Variants in GHR observed in about 807,000 individuals in gnomAD.
GHR encodes GH receptor.
In GHR, 35 loss-of-function variants were observed where a neutral mutation model predicts 67.1. That is an observed-to-expected ratio of 0.52 (90% CI 0.40 to 0.69). The LOEUF (loss-of-function observed/expected upper bound fraction) is 0.69, where lower values mean the gene tolerates loss of function less well. Among genes scored for constraint, GHR ranks in the 30% least tolerant of loss-of-function variants. The pLI is 0.00. For missense variants in GHR, 792 were observed against 764.6 expected, an observed-to-expected ratio of 1.04 and a Z score of -0.42; for synonymous variants, 272 against 269.1, an observed-to-expected ratio of 1.01 and a Z score of -0.10.
At chr5:42,563,533 G>T (rs1020612655) in intron 1 of GHR, among the ~76,000 whole-genome samples, 1 of 149,832 alleles carries the variant, frequency 6.7e-6, no homozygotes, top group Non-Finnish European at 1.5e-5. Flanking sequence ...CAGGAGAATG[G>T]CGTGAACCCG....
chr5:42,687,122 G>A (rs1469777164), intron 3 of GHR, among the ~76,000 whole-genome samples: 1 of 152,184 alleles, frequency 6.6e-6, no homozygotes, highest in East Asian at 1.9e-4. Context: ...TACAAAGGAT[G>A]TGAAGGACCT....
chr5:42,638,174 C>T (rs1474658535), intron 3 of GHR, among the ~76,000 whole-genome samples: 4 of 150,660 alleles, frequency 2.7e-5, no homozygotes, highest in African/African-American at 1.0e-4. Flanking sequence ...CTCCTGACCT[C>T]GTGATCTGCC....
chr5:42,699,551 C>T (rs1757832514), intron 5 of GHR, among the ~76,000 whole-genome samples: 1 of 152,126 alleles, frequency 6.6e-6, no homozygotes, highest in African/African-American at 2.4e-5. Flanking sequence ...AAGAAATATA[C>T]AACATGGCAG....
chr5:42,651,476 A>G (rs745607545), intron 3 of GHR, among the ~76,000 whole-genome samples: 38 of 152,206 alleles, frequency 2.5e-4, no homozygotes, highest in Admixed American at 2.6e-4. Context: ...GAATAGGCAT[A>G]TATGGGCCAA....
chr5:42,641,214 C>G (rs1464887228), intron 3 of GHR, among the ~76,000 whole-genome samples: 2 of 145,872 alleles, frequency 1.4e-5, no homozygotes, highest in Non-Finnish European at 3.0e-5. Flanking sequence ...AAAAAGGTGT[C>G]TTTTTCAAAG....
At chr5:42,634,225 A>G (rs1055181619) in intron 3 of GHR, among the ~76,000 whole-genome samples, 6 of 152,132 alleles carry the variant, frequency 3.9e-5, no homozygotes, top group Non-Finnish European at 8.8e-5. Context: ...AGTAGTTAGA[A>G]TAGTATCTGG....
At chr5:42,618,320 T>C (rs1753269473) in intron 2 of GHR, among the ~76,000 whole-genome samples, 1 of 152,140 alleles carries the variant, frequency 6.6e-6, no homozygotes, top group Non-Finnish European at 1.5e-5. Flanking sequence ...GATTCAAGTA[T>C]GTGAGGGGAG....
At chr5:42,487,794 C>T (rs1241864078) in intron 1 of GHR, among the ~76,000 whole-genome samples, 4 of 152,272 alleles carry the variant, frequency 2.6e-5, no homozygotes, top group Middle Eastern at 3.4e-3. Flanking sequence ...ATTTAAAATA[C>T]TAATAAAGGT....
chr5:42,550,321 G>A (rs1349244975), intron 1 of GHR, among the ~76,000 whole-genome samples: 2 of 152,056 alleles, frequency 1.3e-5, no homozygotes, highest in Non-Finnish European at 2.9e-5. Context: ...GCAACCTTTA[G>A]ACTAACACTG....
intron 2 of GHR, among the ~76,000 whole-genome samples, chr5:42,571,495 A>G (rs1750312172): frequency 6.6e-6 from 1 of 152,200 alleles, no homozygotes. Context: ...ACAATAAAAT[A>G]TATGCAGGAT....
At chr5:42,478,014 T>C (rs1425579703) in intron 1 of GHR, among the ~76,000 whole-genome samples, 1 of 152,014 alleles carries the variant, frequency 6.6e-6, no homozygotes, top group East Asian at 1.9e-4. Context: ...TTCATGGTTT[T>C]AGGTCTAACA....
Position 42,699,922 on chromosome 5 carries a change from A to C in GHR, c.538A>C (p.Asn180His). ...CCAAGTGAGATGGGAAGCACCACGCAATGCAGATATTCAGAAAGGATGGAT... is the reference window on the plus strand; with the variant it reads ...CCAAGTGAGATGGGAAGCACCACGCCATGCAGATATTCAGAAAGGATGGAT... ...DIQVRWEAPRNADIQKGWMVL... is the reference protein window; with the variant it reads ...DIQVRWEAPRHADIQKGWMVL... Residue 180 changes from asparagine to histidine, a missense_variant, in exon 6 of 10, where the codon AAT (asparagine) becomes CAT (histidine). Asn to His is a moderately conservative substitution (Grantham distance 68). Transcript: ENST00000230882. 1 of 1,597,706 alleles carries C rather than the reference A, an allele frequency of 6.3e-7. No homozygotes were observed. The highest frequency in any genetic ancestry group is 8.6e-7 in the Non-Finnish European group (1 of 1,164,992).
At chr5:42,518,828 T>C (rs1747351738) in intron 1 of GHR, among the ~76,000 whole-genome samples, 1 of 152,092 alleles carries the variant, frequency 6.6e-6, no homozygotes, top group Non-Finnish European at 1.5e-5. Flanking sequence ...TCTTTGGGAC[T>C]CCAAAAATGT....
In GHR at chr5:42,424,745, C is replaced by A. The variant is rs1742773992; in HGVS notation, c.-12+790C>A. ...GTGTCTAGGGAGAGGGCGCTGGCGG[C>A]GCAGAGGGTGCGGGGCAGGGCACTT... On this transcript the variant is annotated intron_variant, in intron 1 of 9. Coordinates refer to ENST00000230882, the MANE Select transcript of GHR (RefSeq NM_000163.5). This position sits in a 1 kb window ranked among gnomAD's most constrained non-coding sequence, Gnocchi z 4.1. 2.2e-6 allele frequency: 2 copies of A among 903,388 alleles called. No homozygotes were observed. Among genetic ancestry groups the A allele is most frequent in the Non-Finnish European group, 3.5e-6 (2 of 569,724 alleles). 56.0% of individuals were successfully genotyped at this position (903,388 alleles called of 1,614,324 possible). A position where few individuals can be genotyped will look rare whatever the true frequency, so the allele number is the denominator to read the frequency against.
At chr5:42,605,581 G>T (rs1217652018) in intron 2 of GHR, among the ~76,000 whole-genome samples, 2 of 152,126 alleles carry the variant, frequency 1.3e-5, no homozygotes, top group Non-Finnish European at 2.9e-5. Flanking sequence ...CTCTCCTCAG[G>T]GATAAGCTGG....
chr5:42,541,536 A>T (rs1413806507), intron 1 of GHR, among the ~76,000 whole-genome samples: 1 of 152,094 alleles, frequency 6.6e-6, no homozygotes, highest in Non-Finnish European at 1.5e-5. Flanking sequence ...ATTTACTCTA[A>T]GTGAGATAGG....
intron 1 of GHR, among the ~76,000 whole-genome samples, chr5:42,508,521 G>T (rs1384129126): frequency 6.6e-6 from 1 of 152,196 alleles, no homozygotes; most frequent in African/African-American, 2.4e-5. Flanking sequence ...GATGATTACT[G>T]TCAGCATAAA....
In GHR at chr5:42,718,751, A is replaced by C; in HGVS notation, c.1244A>C (p.Gln415Pro). Reference sequence around the variant, plus strand: ...GGTACCTCAGAGGTTGCTCAGCCACAGAGGTTAAAAGGGGAAGCAGATCTC... The same window carrying C: ...GGTACCTCAGAGGTTGCTCAGCCACCGAGGTTAAAAGGGGAAGCAGATCTC... ...HEGTSEVAQP[Q>P]RLKGEADLLC... is the part of the protein sequence containing the mutation. Residue 415 changes from glutamine to proline, a missense_variant, in exon 10 of 10, where the codon CAG becomes CCG. By Grantham distance (76) the Gln-to-Pro change is moderately conservative (BLOSUM62 -1). Coordinates refer to ENST00000230882, the MANE Select transcript of GHR (RefSeq NM_000163.5). 1 of 1,614,104 alleles carries C rather than the reference A, an allele frequency of 6.2e-7. No homozygotes were observed. Among genetic ancestry groups the C allele is most frequent in the Non-Finnish European group, 8.5e-7 (1 of 1,179,948 alleles).
intron 3 of GHR, among the ~76,000 whole-genome samples, chr5:42,648,074 G>A (rs1378207319): frequency 1.3e-5 from 2 of 152,110 alleles, no homozygotes; most frequent in Non-Finnish European, 2.9e-5. Flanking sequence ...ACATAAAGAA[G>A]TAAAAAGAGC....
Sources: gnomAD v4.1 joint callset for allele counts (sites outside exome capture counted in the v4.1 genomes callset) on GRCh38, gnomAD v4.1.1 for gene constraint, Gnocchi (gnomAD v3.1) non-coding constraint, MANE v1.5 for transcripts, NCBI Gene and HGNC (gene_info 2026-07-23, HGNC 2026-07-21) for gene names.